HEMK2: variants seen among roughly 807,000 people sequenced by gnomAD.
The protein encoded by HEMK2 is HemK methyltransferase 2, ETF1 glutamine and histone H4 lysine.
chr21:28,743,982 A>G, the HEMK2 span, among the ~76,000 whole-genome samples: 2 of 152,172 alleles, frequency 1.3e-5, no homozygotes, highest in Non-Finnish European at 2.9e-5. Flanking sequence ...TCAGCAAACT[A>G]ACACAGAAAA....
At chr21:28,796,485 A>T in the HEMK2 span, among the ~76,000 whole-genome samples, 1 of 152,102 alleles carries the variant, frequency 6.6e-6, no homozygotes, top group Admixed American at 6.5e-5. Flanking sequence ...AATTAGCTAG[A>T]CTCTGAAATT....
At chr21:28,721,960 T>G in the HEMK2 span, among the ~76,000 whole-genome samples, 1 of 149,214 alleles carries the variant, frequency 6.7e-6, no homozygotes, top group Admixed American at 6.7e-5. Flanking sequence ...GATGCAATCA[T>G]CAAACCCATA....
At chr21:28,739,453 A>G in the HEMK2 span, among the ~76,000 whole-genome samples, 1 of 152,254 alleles carries the variant, frequency 6.6e-6, no homozygotes. Flanking sequence ...AATTACTCAG[A>G]ACTGAGGGAA....
At chr21:28,589,910 A>G in the HEMK2 span, among the ~76,000 whole-genome samples, 535 of 152,268 alleles carry the variant, frequency 3.5e-3, 1 homozygote, top group Middle Eastern at 6.8e-3. Flanking sequence ...TGCATAACAC[A>G]CAGTTTTCTT....
the HEMK2 span, among the ~76,000 whole-genome samples, chr21:28,820,347 AC>A: frequency 6.6e-6 from 1 of 152,138 alleles, no homozygotes; most frequent in Non-Finnish European, 1.5e-5. Context: ...AAAGAAGAAA[AC>A]AATGACCTCT....
chr21:28,831,571 GA>G, the HEMK2 span, among the ~76,000 whole-genome samples: 10 of 74,280 alleles, frequency 1.3e-4, no homozygotes, highest in African/African-American at 3.4e-4. Flanking sequence ...AAGAAGGAAA[GA>G]AAGAAAGAAG....
At chr21:28,665,948 C>T in the HEMK2 span, among the ~76,000 whole-genome samples, 1 of 152,132 alleles carries the variant, frequency 6.6e-6, no homozygotes, top group Non-Finnish European at 1.5e-5. Context: ...TTGCCAACTG[C>T]TTATGTAATT....
the HEMK2 span, among the ~76,000 whole-genome samples, chr21:28,719,705 G>A: frequency 6.6e-6 from 1 of 152,204 alleles, no homozygotes; most frequent in Admixed American, 6.5e-5. Flanking sequence ...GAATATCCAA[G>A]TGACAGGGTT....
chr21:28,789,802 C>A, the HEMK2 span, among the ~76,000 whole-genome samples: 1 of 152,196 alleles, frequency 6.6e-6, no homozygotes, highest in Non-Finnish European at 1.5e-5. Flanking sequence ...AGATAAGGCC[C>A]TGCTTAGGGC....
At chr21:28,679,724 C>T in the HEMK2 span, among the ~76,000 whole-genome samples, 1 of 152,152 alleles carries the variant, frequency 6.6e-6, no homozygotes, top group Admixed American at 6.5e-5. Flanking sequence ...TGCAATCGAA[C>T]TAGAACTCAG....
the HEMK2 span, among the ~76,000 whole-genome samples, chr21:28,700,613 G>A: frequency 1.3e-5 from 2 of 152,184 alleles, no homozygotes; most frequent in South Asian, 4.2e-4. Context: ...CTGAATCTCT[G>A]AACACACCAA....
the HEMK2 span, among the ~76,000 whole-genome samples, chr21:28,862,286 A>G: frequency 6.6e-6 from 1 of 152,252 alleles, no homozygotes; most frequent in African/African-American, 2.4e-5. Context: ...TCCACTAGGA[A>G]AAAAACCACG....
the HEMK2 span, among the ~76,000 whole-genome samples, chr21:28,705,605 G>C: frequency 2.6e-5 from 4 of 152,156 alleles, 1 homozygote; most frequent in Admixed American, 2.0e-4. Flanking sequence ...AGACTCTGCT[G>C]TATTCATTTT....
chr21:28,780,131 T>TGA, the HEMK2 span, among the ~76,000 whole-genome samples: 1 of 152,074 alleles, frequency 6.6e-6, no homozygotes, highest in Non-Finnish European at 1.5e-5. Context: ...GAGTAGCTAA[T>TGA]GAGACATCAC....
the HEMK2 span, among the ~76,000 whole-genome samples, chr21:28,746,042 T>C: frequency 2.6e-5 from 4 of 152,370 alleles, no homozygotes; most frequent in South Asian, 8.3e-4. Context: ...TCTTGTAACA[T>C]ATTTTATTGG....
the HEMK2 span, among the ~76,000 whole-genome samples, chr21:28,695,484 A>AGCAGGCAAGAGAGCTTGTGC: frequency 6.6e-6 from 1 of 152,180 alleles, no homozygotes; most frequent in Admixed American, 6.5e-5. Context: ...TCATGGTGGA[A>AGCAGGCAAGAGAGCTTGTGC]GGTGAATGAG....
the HEMK2 span, among the ~76,000 whole-genome samples, chr21:28,627,062 G>C: frequency 6.6e-6 from 1 of 152,078 alleles, no homozygotes; most frequent in Non-Finnish European, 1.5e-5. Context: ...GCAATAAAAA[G>C]GAACAAATAC....
At chr21:28,870,684 C>T in the HEMK2 span, among the ~76,000 whole-genome samples, 1 of 152,004 alleles carries the variant, frequency 6.6e-6, no homozygotes, top group African/African-American at 2.4e-5. Context: ...TACATCGCAC[C>T]CAGCCTAAAA....
At chr21:28,647,726 T>C in the HEMK2 span, among the ~76,000 whole-genome samples, 1 of 152,046 alleles carries the variant, frequency 6.6e-6, no homozygotes, top group African/African-American at 2.4e-5. Context: ...ATGAAGTGAA[T>C]GGACACCACA....
Sources: gnomAD v4.1 joint callset for allele counts (sites outside exome capture counted in the v4.1 genomes callset) on GRCh38, gnomAD v4.1.1 for gene constraint, MANE v1.5 for transcripts, NCBI Gene and HGNC (gene_info 2026-07-23, HGNC 2026-07-21) for gene names.